The following MAP3K15 variants were observed in gnomAD, a reference collection of about 807,000 sequenced individuals.
The protein encoded by MAP3K15 is MAPK/ERK kinase kinase 15.
A neutral mutation model predicts 99.5 loss-of-function variants in MAP3K15; 124 were observed. The observed-to-expected ratio is 1.25, with a 90% CI of 1.08 to 1.45. The LOEUF (loss-of-function observed/expected upper bound fraction) is 1.45. MAP3K15 is among the 40% of genes most tolerant of loss of function. The probability of loss-of-function intolerance (pLI) is 0.00; values close to 1 mark genes in which losing one functional copy is unlikely to be tolerated. For synonymous variants in MAP3K15, 494 were observed against 439.6 expected (o/e 1.12, Z -1.55); for missense variants, 1,242 against 1,079.7 (o/e 1.15, Z -2.11).
chrX:19,428,061 G>C (rs897488459), intron 7 of MAP3K15, among the ~76,000 whole-genome samples: 23 of 111,616 alleles, frequency 2.1e-4, no homozygotes, highest in Non-Finnish European at 4.0e-4. Context: ...GCCCAACTTA[G>C]GGGCAGAGAA....
intron 19 of MAP3K15, among the ~76,000 whole-genome samples, chrX:19,377,337 G>C (rs2063425842): frequency 1.8e-5 from 2 of 111,959 alleles, no homozygotes. Flanking sequence ...GTGGATCACT[G>C]GAGTTTGAGA....
At chrX:19,470,760 C>G (rs1251025171) in intron 3 of MAP3K15, among the ~76,000 whole-genome samples, 2 of 111,815 alleles carry the variant, frequency 1.8e-5, no homozygotes, top group East Asian at 5.6e-4. Context: ...AAATACAGGA[C>G]AGTGTGATCC....
chrX:19,467,379 T>C (rs1278343670), intron 3 of MAP3K15, among the ~76,000 whole-genome samples: 1 of 110,711 alleles, frequency 9.0e-6, no homozygotes, highest in African/African-American at 3.3e-5. Context: ...CCTGATATTG[T>C]AGAAGCTCTA....
At chrX:19,466,457 G>A (rs1460002908) in intron 3 of MAP3K15, among the ~76,000 whole-genome samples, 1 of 110,934 alleles carries the variant, frequency 9.0e-6, no homozygotes, top group Non-Finnish European at 1.9e-5. Context: ...GTTTTATAAG[G>A]GGCTCTTCCC....
intron 3 of MAP3K15, among the ~76,000 whole-genome samples, chrX:19,471,999 G>T (rs1339050170): frequency 9.0e-6 from 1 of 111,220 alleles, no homozygotes; most frequent in East Asian, 2.8e-4. Context: ...AAGGTGGGTG[G>T]ATCACGAGGC....
intron 1 of MAP3K15, among the ~76,000 whole-genome samples, chrX:19,507,891 GGTCTCGCTGTT>G (rs1355684126): frequency 8.9e-6 from 1 of 111,763 alleles, no homozygotes; most frequent in Non-Finnish European, 1.9e-5. Flanking sequence ...TTTGAGATGG[GGTCTCGCTGTT>G]GTCTGCCTGG....
intron 1 of MAP3K15, among the ~76,000 whole-genome samples, chrX:19,503,299 G>A (rs950024191): frequency 9.1e-6 from 1 of 110,408 alleles, no homozygotes; most frequent in Admixed American, 9.6e-5. Flanking sequence ...CATGCAAAAC[G>A]TATGTGCTGT....
chrX:19,360,914 CT>C (rs1333471005), intron 28 of MAP3K15, 81 bp from the exon 29 acceptor site: 13 of 741,162 alleles, frequency 1.8e-5, no homozygotes, highest in Admixed American at 1.6e-4. Flanking sequence ...ATTTAAAAAC[CT>C]AATGAAAATA....
At chrX:19,428,687 C>T (rs1335580646) in intron 7 of MAP3K15, among the ~76,000 whole-genome samples, 1 of 112,084 alleles carries the variant, frequency 8.9e-6, no homozygotes, top group African/African-American at 3.2e-5. Flanking sequence ...AGAAATGAGG[C>T]CGGGTGTGGT....
intron 7 of MAP3K15, among the ~76,000 whole-genome samples, chrX:19,429,003 C>T (rs934135243): frequency 3.6e-5 from 4 of 110,358 alleles, no homozygotes; most frequent in African/African-American, 1.3e-4. Context: ...AGAAATGAAA[C>T]AGCAGTGATT....
intron 3 of MAP3K15, among the ~76,000 whole-genome samples, chrX:19,472,733 T>C (rs187785604): frequency 8.0e-5 from 9 of 112,254 alleles, no homozygotes; most frequent in African/African-American, 2.6e-4. Flanking sequence ...GGTAGGTAAA[T>C]TGAAGATACA....
chrX:19,469,847 T>C (rs2064195285), intron 3 of MAP3K15, among the ~76,000 whole-genome samples: 1 of 108,754 alleles, frequency 9.2e-6, no homozygotes, highest in Non-Finnish European at 1.9e-5. Flanking sequence ...AAAACCACAA[T>C]GAGATACCAT....
rs781372514 is a variant in MAP3K15, at chrX:19,460,068, G to A, written c.805C>T (p.Arg269Trp). 1.6e-5 allele frequency: 19 copies of A among 1,194,054 alleles called. No homozygotes were observed. Among genetic ancestry groups the A allele is most frequent in the East Asian group, 5.9e-5 (2 of 33,627 alleles). ...GTATTATCCATGCGGAGCTTGATCC[G>A]AGCTAGCTCCTTCGCCAGTTCCTCA... Reference protein sequence around the residue: ...QGEELAKELARIKLRMDNTEV... With the variant: ...QGEELAKELAWIKLRMDNTEV... Residue 269 changes from arginine to tryptophan, a missense_variant, in exon 5 of 29, where the codon CGG becomes TGG. By Grantham distance (101) the Arg-to-Trp change is moderately radical. Transcript: ENST00000338883.
chrX:19,420,961 G>A (rs1434933251), intron 9 of MAP3K15, among the ~76,000 whole-genome samples: 3 of 111,209 alleles, frequency 2.7e-5, no homozygotes, highest in African/African-American at 6.6e-5. Flanking sequence ...ATGCAGAAAA[G>A]GCCTTTGACA....
intron 7 of MAP3K15, among the ~76,000 whole-genome samples, chrX:19,427,606 T>C (rs1390864906): frequency 1.8e-5 from 2 of 111,541 alleles, no homozygotes; most frequent in Non-Finnish European, 3.8e-5. Flanking sequence ...CTCTCATCTT[T>C]TTCTATACAT....
At chrX:19,390,032 T>G (rs190629064) in intron 18 of MAP3K15, among the ~76,000 whole-genome samples, 87 of 111,907 alleles carry the variant, frequency 7.8e-4, no homozygotes, top group Admixed American at 4.9e-3. Context: ...TTCAGGCACA[T>G]GTACCTCCCC....
intron 1 of MAP3K15, chrX:19,497,170 T>C (rs1222152537): frequency 9.3e-6 from 1 of 108,085 alleles, no homozygotes; most frequent in African/African-American, 3.4e-5. Context: ...ATACTTTTTT[T>C]TTTTTTTTTG....
Position 19,456,793 on chromosome X carries a change from A to C in MAP3K15, c.995+120T>G, listed in dbSNP as rs112788981. ...TGAGGACAAAGACTGGACCTTGTCCATCTTCATAACCTTGGCATTTAGCAC... is the reference window on the plus strand; with the variant it reads ...TGAGGACAAAGACTGGACCTTGTCCCTCTTCATAACCTTGGCATTTAGCAC... On this transcript the variant is annotated intron_variant, in intron 6 of 28. Coordinates refer to ENST00000338883, the MANE Select transcript of MAP3K15 (RefSeq NM_001001671.4). 250 of 475,485 alleles carry C rather than the reference A, an allele frequency of 5.3e-4. 2 individuals are homozygous for C. The highest frequency in any genetic ancestry group is 4.3e-3 in the African/African-American group (183 of 42,342). 39.2% of individuals were successfully genotyped at this position (475,485 alleles called of 1,213,427 possible).
chrX:19,473,026 C>G (rs187247709), intron 3 of MAP3K15, among the ~76,000 whole-genome samples: 2 of 112,223 alleles, frequency 1.8e-5, no homozygotes, highest in South Asian at 7.4e-4. Flanking sequence ...GTCTACCCCC[C>G]AGTCAGCAGA....
Sources: gnomAD v4.1 joint callset for allele counts (sites outside exome capture counted in the v4.1 genomes callset) on GRCh38, gnomAD v4.1.1 for gene constraint, MANE v1.5 for transcripts, NCBI Gene and HGNC (gene_info 2026-07-23, HGNC 2026-07-21) for gene names.